The following LURAP1L variants were observed in gnomAD, a reference collection of about 807,000 sequenced individuals.
LURAP1L encodes the protein leucine rich adaptor protein 1-like.
A neutral mutation model predicts 13.8 loss-of-function variants in LURAP1L; 12 were observed. The ratio of observed to expected loss-of-function variants is 0.87; its 90% CI spans 0.56 to 1.41. The LOEUF is 1.41. Ranked by LOEUF, LURAP1L falls within the 40% of genes most tolerant of loss-of-function variation. LURAP1L has a pLI of 0.00. For synonymous variants in LURAP1L, 139 were observed against 119.2 expected, an observed-to-expected ratio of 1.17 and a Z score of -1.08; for missense variants, 375 against 292.9, an observed-to-expected ratio of 1.28 and a Z score of -2.04.
At chr9:12,777,545 A>G in intron 1 of LURAP1L, 1 of 974,582 alleles carries the variant, frequency 1.0e-6, no homozygotes, top group Non-Finnish European at 1.2e-6. Context: ...TAATATATTC[A>G]CTTAATCTAA....
chr9:12,779,522 G>A (rs946011084), intron 1 of LURAP1L, among the ~76,000 whole-genome samples: 6 of 152,066 alleles, frequency 3.9e-5, no homozygotes, highest in Admixed American at 3.9e-4. Flanking sequence ...GATCCGCCAC[G>A]GCCTCTCAAA....
At chr9:12,821,173 T>A in intron 1 of LURAP1L, among the ~76,000 whole-genome samples, 1 of 152,226 alleles carries the variant, frequency 6.6e-6, no homozygotes, top group Non-Finnish European at 1.5e-5. Context: ...TTGTGCCTTT[T>A]GGAGCCTGAT....
chr9:12,808,877 T>C (rs996915362), intron 1 of LURAP1L, among the ~76,000 whole-genome samples: 2 of 152,138 alleles, frequency 1.3e-5, no homozygotes, highest in African/African-American at 4.8e-5. Context: ...TCCATTTGCA[T>C]TGCTATAAAG....
At chr9:12,788,887 C>A (rs1222217106) in intron 1 of LURAP1L, among the ~76,000 whole-genome samples, 1 of 149,520 alleles carries the variant, frequency 6.7e-6, no homozygotes, top group Non-Finnish European at 1.5e-5. Flanking sequence ...CAAAGCGAGA[C>A]CCTATATCTA....
At chr9:12,780,338 C>T (rs1345355293) in intron 1 of LURAP1L, among the ~76,000 whole-genome samples, 1 of 151,926 alleles carries the variant, frequency 6.6e-6, no homozygotes, top group Non-Finnish European at 1.5e-5. Context: ...CTGAATTGTG[C>T]TCATGTAAAC....
intron 1 of LURAP1L, among the ~76,000 whole-genome samples, chr9:12,804,346 A>AC: frequency 7.1e-6 from 1 of 141,458 alleles, no homozygotes; most frequent in East Asian, 2.1e-4. Flanking sequence ...TTGTTATCTG[A>AC]TTTTTTTTTT....
intron 1 of LURAP1L, among the ~76,000 whole-genome samples, chr9:12,798,016 T>C (rs904189245): frequency 6.6e-6 from 1 of 152,182 alleles, no homozygotes; most frequent in Non-Finnish European, 1.5e-5. Flanking sequence ...GGGCAAGCAT[T>C]TGATCTTAAG....
chr9:12,795,424 T>G (rs1819499831), intron 1 of LURAP1L, among the ~76,000 whole-genome samples: 1 of 151,980 alleles, frequency 6.6e-6, no homozygotes, highest in Non-Finnish European at 1.5e-5. Context: ...ATCTAGAAGT[T>G]TCTTTCTTCA....
At position 12,775,815 on chromosome 9, in the gene LURAP1L, G is replaced by C; in HGVS notation, c.100G>C (p.Val34Leu). ...LVRSLRGEEP[V>L]PRERDRDPCG... is the part of the protein sequence containing the mutation. ...GCGCTCTCTCCGTGGGGAGGAGCCG[G>C]TTCCCAGGGAAAGGGACAGGGACCC... The change falls in exon 1 of 2, where the codon GTT becomes CTT. Residue 34 changes from valine (V) to leucine (L), a missense_variant. Transcript: ENST00000319264. 1.2e-6 allele frequency: 2 copies of C among 1,606,562 alleles called. No individual in the cohort carries two copies. The highest frequency in any genetic ancestry group is 1.7e-6 in the Non-Finnish European group (2 of 1,177,516).
At position 12,775,559 on chromosome 9, in the gene LURAP1L, C is replaced by A; in HGVS notation, c.-157C>A. ...TCCTGTGCGGATTTCAGGGCTGATA[C>A]CGCATAGGCGGTTATGGAAAGGACG... is the stretch of plus-strand genomic sequence containing the variant. On this transcript the variant is annotated 5_prime_UTR_variant, in exon 1 of 2. Coordinates refer to ENST00000319264, the MANE Select transcript of LURAP1L (RefSeq NM_203403.2). 7.9e-7 allele frequency: 1 copy of A among 1,263,098 alleles called. No individual in the cohort carries two copies. Among genetic ancestry groups the A allele is most frequent in the Non-Finnish European group, 1.0e-6 (1 of 956,918 alleles). 78.2% of individuals were successfully genotyped at this position (1,263,098 alleles called of 1,614,324 possible).
chr9:12,776,072 C>G, intron 1 of LURAP1L, 45 bp downstream of exon 1: 1 of 1,571,858 alleles, frequency 6.4e-7, no homozygotes, highest in Non-Finnish European at 8.7e-7. Context: ...CTGGGCTGGG[C>G]CAAAAGATGG....
intron 1 of LURAP1L, among the ~76,000 whole-genome samples, chr9:12,787,419 C>T (rs1819372875): frequency 6.6e-6 from 1 of 152,064 alleles, no homozygotes; most frequent in Admixed American, 6.6e-5. Flanking sequence ...TGGCAAAGGA[C>T]ACCATTCAGA....
chr9:12,786,280 G>T lies in LURAP1L; in HGVS notation c.312+10253G>T, dbSNP rs374516422. On this transcript the variant is annotated intron_variant, in intron 1 of 1. Transcript: ENST00000319264. ...TCTCCTATACAAACCCCAACTAGTT[G>T]CTAATTATATAGAAAAGGTAATTAC... Among the ~76,000 whole-genome samples the T allele has an allele frequency of 1.1e-3, 165 of 151,646 alleles. 2 individuals are homozygous for T. The East Asian group carries it at 0.027, about 25-fold the overall frequency.
intron 1 of LURAP1L, among the ~76,000 whole-genome samples, chr9:12,808,008 C>T (rs972603641): frequency 1.3e-5 from 2 of 152,106 alleles, no homozygotes; most frequent in African/African-American, 4.8e-5. Flanking sequence ...ATTCTTCTCT[C>T]TTGTCTCTTA....
At position 12,777,586 on chromosome 9, in the gene LURAP1L, T is replaced by A. The variant is rs541716682; in HGVS notation, c.312+1559T>A. The A allele has an allele frequency of 4.1e-6, 4 of 973,910 alleles. No individual in the cohort carries two copies. The African/African-American group carries it at 7.0e-5, about 17-fold the overall frequency. 60.3% of individuals were successfully genotyped at this position (973,910 alleles called of 1,614,324 possible). A position where few individuals can be genotyped will look rare whatever the true frequency, so the allele number is the denominator to read the frequency against. ...AAATCTTGTTGAAACATATTTTCTT[T>A]CTCAGTAGCTCACTGATAGCACATC... On this transcript the variant is annotated intron_variant, in intron 1 of 1. Coordinates refer to ENST00000319264, the MANE Select transcript of LURAP1L (RefSeq NM_203403.2).
In LURAP1L at chr9:12,821,544, C is replaced by T. The variant is rs775167324; in HGVS notation, c.471C>T (p.Ser157=). 9.9e-6 allele frequency: 16 copies of T among 1,613,986 alleles called. 1 individual carries two copies. In the South Asian group the frequency reaches 1.3e-4, roughly 13 times the overall value. Residue 157 remains serine, a synonymous_variant, in exon 2 of 2, where the codon AGC becomes AGT. Coordinates refer to ENST00000319264, the MANE Select transcript of LURAP1L (RefSeq NM_203403.2). Reference sequence around the variant, plus strand: ...TGTGCAGTTTGTTGGAGAGTCAGAGCACCTCCTTACGTGGCAGCTACAACA... The same window carrying T: ...TGTGCAGTTTGTTGGAGAGTCAGAGTACCTCCTTACGTGGCAGCTACAACA... ...GSLCSLLESQ[S]TSLRGSYNSL...
chr9:12,775,658 C>A lies in LURAP1L; in HGVS notation c.-58C>A. 4 of 1,519,802 alleles carry A rather than the reference C, an allele frequency of 2.6e-6. No homozygotes were observed. Among genetic ancestry groups the A allele is most frequent in the Non-Finnish European group, 3.5e-6 (4 of 1,137,482 alleles). 94.1% of individuals were successfully genotyped at this position (1,519,802 alleles called of 1,614,324 possible). The stretch of plus-strand genomic sequence containing the variant: ...GCTGATTTCGCAGCAGCCTTCGAAG[C>A]CGTGGCTGCCTTTCATCTGCTGCGT... On this transcript the variant is annotated 5_prime_UTR_variant, in exon 1 of 2. Transcript: ENST00000319264.
At chr9:12,788,297 G>A (rs1397974500) in intron 1 of LURAP1L, among the ~76,000 whole-genome samples, 1 of 152,074 alleles carries the variant, frequency 6.6e-6, no homozygotes, top group Non-Finnish European at 1.5e-5. Flanking sequence ...AAAGAATGAT[G>A]ATGCCTTGCC....
intron 1 of LURAP1L, among the ~76,000 whole-genome samples, chr9:12,801,164 G>T (rs1420667398): frequency 6.6e-6 from 1 of 151,998 alleles, no homozygotes; most frequent in Non-Finnish European, 1.5e-5. Flanking sequence ...CAGAGAATGT[G>T]GCCTCTTAAT....
Sources: gnomAD v4.1 joint callset for allele counts (sites outside exome capture counted in the v4.1 genomes callset) on GRCh38, gnomAD v4.1.1 for gene constraint, MANE v1.5 for transcripts, NCBI Gene and HGNC (gene_info 2026-07-23, HGNC 2026-07-21) for gene names.